The following SMIM12 variants were observed in gnomAD, a reference collection of about 807,000 sequenced individuals.
The protein encoded by SMIM12 is UPF0767 protein C1orf212.
Under a neutral mutation model 6.3 loss-of-function variants are expected in SMIM12, and 5 were observed. The ratio of observed to expected loss-of-function variants is 0.80; its 90% CI spans 0.42 to 1.68. The LOEUF is 1.68. Ranked by LOEUF, SMIM12 falls within the 40% of genes most tolerant of loss-of-function variation. SMIM12 has a pLI of 0.02. For synonymous variants in SMIM12, 51 were observed against 48.0 expected (o/e 1.06, Z -0.26); for missense variants, 103 against 121.4 (o/e 0.85, Z 0.71).
In SMIM12 at chr1:34,851,782, C is replaced by T. The variant is rs559805752; in HGVS notation, c.*3917G>A. 4.5e-4 allele frequency among the ~76,000 whole-genome samples: 69 copies of T among 152,328 alleles called. No homozygotes were observed. Among genetic ancestry groups the T allele is most frequent in the Middle Eastern group, 3.4e-3 (1 of 294 alleles). The stretch of plus-strand genomic sequence containing the variant: ...GAGGACCCTATACTAAAGCCACCAC[C>T]ATCATTGGGCTGGGAAGAGACGGGG... On this transcript the variant is annotated 3_prime_UTR_variant, in exon 2 of 2. Coordinates refer to ENST00000521580, the MANE Select transcript of SMIM12 (RefSeq NM_138428.6).
In SMIM12 at chr1:34,852,075, G is replaced by C. The variant is rs1336749038; in HGVS notation, c.*3624C>G. On this transcript the variant is annotated 3_prime_UTR_variant, in exon 2 of 2. Coordinates refer to ENST00000521580, the MANE Select transcript of SMIM12 (RefSeq NM_138428.6). Reference sequence around the variant, plus strand: ...CCACCGCAACGGCTGATTTCAGCCAGCCTGTGGGAAAGAAAGATCTAGCTG... The same window carrying C: ...CCACCGCAACGGCTGATTTCAGCCACCCTGTGGGAAAGAAAGATCTAGCTG... Among the ~76,000 whole-genome samples the C allele has an allele frequency of 6.6e-6, 1 of 152,224 alleles. No individual in the cohort carries two copies. Among genetic ancestry groups the C allele is most frequent in the Non-Finnish European group, 1.5e-5 (1 of 68,054 alleles).
In SMIM12 at chr1:34,854,963, G is replaced by T. The variant is rs1409681490; in HGVS notation, c.*736C>A. The T allele has an allele frequency of 1.1e-6, 1 of 951,418 alleles. No homozygotes were observed. Among genetic ancestry groups the T allele is most frequent in the Non-Finnish European group, 1.4e-6 (1 of 707,808 alleles). The allele number at this position is 951,418 out of a possible 1,614,324, so 58.9% of individuals were successfully genotyped here. ...CTCCTTGGCACCCTTTAATACCAAT[G>T]TTATCCTGCTCTAAAATGCCTGTAC... On this transcript the variant is annotated 3_prime_UTR_variant, in exon 2 of 2. Transcript: ENST00000521580.
At position 34,855,460 on chromosome 1, in the gene SMIM12, A is replaced by T; in HGVS notation, c.*239T>A. 1 of 1,590,336 alleles carries T rather than the reference A, an allele frequency of 6.3e-7. No homozygotes were observed. The highest frequency in any genetic ancestry group is 1.1e-5 in the South Asian group (1 of 90,036). On this transcript the variant is annotated 3_prime_UTR_variant, in exon 2 of 2. Transcript: ENST00000521580. ...CTCCCAGCAGTGCACCAGTAAACTC[A>T]GATGCCTGAGTGCTTGTGGCCACCA...
chr1:34,855,187 A>G lies in SMIM12; in HGVS notation c.*512T>C. 1 of 1,368,208 alleles carries G rather than the reference A, an allele frequency of 7.3e-7. No individual in the cohort carries two copies. Among genetic ancestry groups the G allele is most frequent in the Non-Finnish European group, 9.8e-7 (1 of 1,022,210 alleles). The allele number at this position is 1,368,208 out of a possible 1,614,324, so 84.8% of individuals were successfully genotyped here. On this transcript the variant is annotated 3_prime_UTR_variant, in exon 2 of 2. Coordinates refer to ENST00000521580, the MANE Select transcript of SMIM12 (RefSeq NM_138428.6). ...ACAGTCTGGGCTTCCCAGAACAGAAAAGTGCTTTCCTTCCTGGGGGAATCC... is the reference window on the plus strand; with the variant it reads ...ACAGTCTGGGCTTCCCAGAACAGAAGAGTGCTTTCCTTCCTGGGGGAATCC...
chr1:34,855,663 C>A lies in SMIM12; in HGVS notation c.*36G>T, dbSNP rs763230792. The A allele has an allele frequency of 1.2e-6, 2 of 1,613,682 alleles. No individual in the cohort carries two copies. Among genetic ancestry groups the A allele is most frequent in the South Asian group, 2.2e-5 (2 of 91,034 alleles). On this transcript the variant is annotated 3_prime_UTR_variant, in exon 2 of 2. Coordinates refer to ENST00000521580, the MANE Select transcript of SMIM12 (RefSeq NM_138428.6). ...TCAACATGGTAGCAGGACAAGTCACCACCCACAGTAGGACCATAGGGCCCT... is the reference window on the plus strand; with the variant it reads ...TCAACATGGTAGCAGGACAAGTCACAACCCACAGTAGGACCATAGGGCCCT...
chr1:34,855,327 C>T lies in SMIM12; in HGVS notation c.*372G>A, dbSNP rs1323342986. 2 of 1,404,512 alleles carry T rather than the reference C, an allele frequency of 1.4e-6. No homozygotes were observed. The highest frequency in any genetic ancestry group is 9.6e-7 in the Non-Finnish European group (1 of 1,046,504). The allele number at this position is 1,404,512 out of a possible 1,614,324, so 87.0% of individuals were successfully genotyped here. ...CTTTCCAGTGCAGACTGGAACTAGACATGCAGGTATCCCTCCTAAAGGCAA... is the reference window on the plus strand; with the variant it reads ...CTTTCCAGTGCAGACTGGAACTAGATATGCAGGTATCCCTCCTAAAGGCAA... On this transcript the variant is annotated 3_prime_UTR_variant, in exon 2 of 2. Transcript: ENST00000521580.
rs2148378057 is a variant in SMIM12, at chr1:34,854,274, C to G, written c.*1425G>C. The stretch of plus-strand genomic sequence containing the variant: ...AGTCAGCCAAGATCACGCCACTGCA[C>G]TCCAGCCCGGGTGACAGAATGAGAG... On this transcript the variant is annotated 3_prime_UTR_variant, in exon 2 of 2. Transcript: ENST00000521580. 1 of 152,372 alleles carries G rather than the reference C, an allele frequency of 6.6e-6. No homozygotes were observed. The allele number at this position is 152,372 out of a possible 1,614,324, so 9.4% of individuals were successfully genotyped here. A position where few individuals can be genotyped will look rare whatever the true frequency, so the allele number is the denominator to read the frequency against.
chr1:34,855,909 C>T lies in SMIM12; in HGVS notation c.69G>A (p.Val23=). 1 of 1,551,638 alleles carries T rather than the reference C, an allele frequency of 6.4e-7. No homozygotes were observed. Among genetic ancestry groups the T allele is most frequent in the Non-Finnish European group, 8.7e-7 (1 of 1,146,996 alleles). The change falls in exon 2 of 2, where the codon GTG becomes GTA. Residue 23 remains valine (V), a synonymous_variant. Coordinates refer to ENST00000521580, the MANE Select transcript of SMIM12 (RefSeq NM_138428.6). ...APYVTFPVAF[V]VGAVGYHLEW... ...CCAGGTGGTAACCCACAGCCCCGAC[C>T]ACGAAGGCAACAGGGAATGTGACAT...
intron 1 of SMIM12, among the ~76,000 whole-genome samples, chr1:34,856,359 C>G (rs545840774): frequency 6.6e-6 from 1 of 152,192 alleles, no homozygotes; most frequent in Non-Finnish European, 1.5e-5. Context: ...CACACCTGGC[C>G]AGCCTGGCAC....
chr1:34,851,574 C>CA lies in SMIM12; in HGVS notation c.*4124dup, dbSNP rs1640930652. On this transcript the variant is annotated 3_prime_UTR_variant, in exon 2 of 2. Coordinates refer to ENST00000521580, the MANE Select transcript of SMIM12 (RefSeq NM_138428.6). The stretch of plus-strand genomic sequence containing the variant: ...ATGATGTTTCACTCAGCGGCAGTCC[C>CA]ACCAGCCTGGAGCCCTGGGGAGCTG... 1.3e-5 allele frequency: 2 copies of CA among 152,258 alleles called. No individual in the cohort carries two copies. Among genetic ancestry groups the CA allele is most frequent in the South Asian group, 4.1e-4 (2 of 4,832 alleles). 9.4% of individuals were successfully genotyped at this position (152,258 alleles called of 1,614,324 possible). A position where few individuals can be genotyped will look rare whatever the true frequency, so the allele number is the denominator to read the frequency against.
rs772621518 is a variant in SMIM12, at chr1:34,855,354, G to A, written c.*345C>T. 59 of 1,433,914 alleles carry A rather than the reference G, an allele frequency of 4.1e-5. No individual in the cohort carries two copies. Among genetic ancestry groups the A allele is most frequent in the South Asian group, 3.8e-4 (34 of 88,688 alleles). 88.8% of individuals were successfully genotyped at this position (1,433,914 alleles called of 1,614,324 possible). A position where few individuals can be genotyped will look rare whatever the true frequency, so the allele number is the denominator to read the frequency against. ...TGCAGGTATCCCTCCTAAAGGCAAC[G>A]CCCAAATCCCAGCCATTCCCACTAG... On this transcript the variant is annotated 3_prime_UTR_variant, in exon 2 of 2. Transcript: ENST00000521580.
Position 34,852,463 on chromosome 1 carries a change from CAAAA to C in SMIM12, c.*3232_*3235del, listed in dbSNP as rs34535449. On this transcript the variant is annotated 3_prime_UTR_variant, in exon 2 of 2. Coordinates refer to ENST00000521580, the MANE Select transcript of SMIM12 (RefSeq NM_138428.6). ...TATTTGTAACAAGTTGTTAGATCGC[CAAAA>C]AAAAAAAAAAAAAAAAAACCATAAT... 6.6e-4 allele frequency among the ~76,000 whole-genome samples: 54 copies of C among 81,782 alleles called. No homozygotes were observed. The highest frequency in any genetic ancestry group is 2.9e-3 in the South Asian group (5 of 1,700). The allele number at this position is 81,782 out of a possible 152,430, so 53.7% of individuals were successfully genotyped here.
intron 1 of SMIM12, chr1:34,856,813 G>A (rs1467746449): frequency 6.6e-6 from 1 of 152,174 alleles, no homozygotes; most frequent in African/African-American, 2.4e-5. Flanking sequence ...TGGATTTTAG[G>A]TAAATAGATA....
rs558071884 is a variant in SMIM12, at chr1:34,852,083, G to A, written c.*3616C>T. 3.9e-5 allele frequency among the ~76,000 whole-genome samples: 6 copies of A among 152,338 alleles called. No homozygotes were observed. The East Asian group carries it at 9.7e-4, about 25-fold the overall frequency. ...ACGGCTGATTTCAGCCAGCCTGTGG[G>A]AAAGAAAGATCTAGCTGAGAACACT... On this transcript the variant is annotated 3_prime_UTR_variant, in exon 2 of 2. Transcript: ENST00000521580.
At position 34,855,187 on chromosome 1, in the gene SMIM12, A is replaced by C; in HGVS notation, c.*512T>G. On this transcript the variant is annotated 3_prime_UTR_variant, in exon 2 of 2. Coordinates refer to ENST00000521580, the MANE Select transcript of SMIM12 (RefSeq NM_138428.6). ...ACAGTCTGGGCTTCCCAGAACAGAA[A>C]AGTGCTTTCCTTCCTGGGGGAATCC... 3.7e-6 allele frequency: 5 copies of C among 1,368,208 alleles called. No homozygotes were observed. The highest frequency in any genetic ancestry group is 4.9e-6 in the Non-Finnish European group (5 of 1,022,210). The allele number at this position is 1,368,208 out of a possible 1,614,324, so 84.8% of individuals were successfully genotyped here.
rs1638559580 is a variant in SMIM12, at chr1:34,854,062, T to C, written c.*1637A>G. 6.6e-6 allele frequency: 1 copy of C among 151,756 alleles called. No individual in the cohort carries two copies. Among genetic ancestry groups the C allele is most frequent in the Non-Finnish European group, 1.5e-5 (1 of 68,008 alleles). The allele number at this position is 151,756 out of a possible 1,614,324, so 9.4% of individuals were successfully genotyped here. On this transcript the variant is annotated 3_prime_UTR_variant, in exon 2 of 2. Coordinates refer to ENST00000521580, the MANE Select transcript of SMIM12 (RefSeq NM_138428.6). ...GCCTCACACCTGTAATCCCAGCACTTTGGGAGGCCGAGGCAGATGGGATCG... is the reference window on the plus strand; with the variant it reads ...GCCTCACACCTGTAATCCCAGCACTCTGGGAGGCCGAGGCAGATGGGATCG...
chr1:34,852,456 A>G lies in SMIM12; in HGVS notation c.*3243T>C, dbSNP rs951747124. ...GATCTAATATTTGTAACAAGTTGTT[A>G]GATCGCCAAAAAAAAAAAAAAAAAA... On this transcript the variant is annotated 3_prime_UTR_variant, in exon 2 of 2. Transcript: ENST00000521580. Among the ~76,000 whole-genome samples, 6 of 118,252 alleles carry G rather than the reference A, an allele frequency of 5.1e-5. No homozygotes were observed. The highest frequency in any genetic ancestry group is 1.0e-4 in the African/African-American group (3 of 28,618). 77.6% of individuals were successfully genotyped at this position (118,252 alleles called of 152,430 possible).
rs1571607524 is a variant in SMIM12, at chr1:34,852,570, T to C, written c.*3129A>G. The C allele has an allele frequency of 6.6e-6, 1 of 150,674 alleles. No homozygotes were observed. The highest frequency in any genetic ancestry group is 2.4e-5 in the African/African-American group (1 of 40,906). The allele number at this position is 150,674 out of a possible 1,614,324, so 9.3% of individuals were successfully genotyped here. A position where few individuals can be genotyped will look rare whatever the true frequency, so the allele number is the denominator to read the frequency against. On this transcript the variant is annotated 3_prime_UTR_variant, in exon 2 of 2. Transcript: ENST00000521580. Reference sequence around the variant, plus strand: ...CACTGGGTCAAATTAACCCCACGGGTATGATAGCATGCTTAGAATTTTGTA... The same window carrying C: ...CACTGGGTCAAATTAACCCCACGGGCATGATAGCATGCTTAGAATTTTGTA...
rs774468427 is a variant in SMIM12 at position 34,855,987 on chromosome 1, G to A, written c.-5-5C>T. 41 of 1,537,582 alleles carry A rather than the reference G, an allele frequency of 2.7e-5. No individual in the cohort carries two copies. The Middle Eastern group carries it at 6.7e-4, about 25-fold the overall frequency. On this transcript the variant is annotated splice_polypyrimidine_tract_variant and splice_region_variant and intron_variant, in intron 1 of 1. Coordinates refer to ENST00000521580, the MANE Select transcript of SMIM12 (RefSeq NM_138428.6). ...AAAACACAGGCCACATGACATCTGC[G>A]GAAAAGCACAAGGCAGCATTAGAGA...
Sources: gnomAD v4.1 joint callset for allele counts (sites outside exome capture counted in the v4.1 genomes callset) on GRCh38, gnomAD v4.1.1 for gene constraint, MANE v1.5 for transcripts, NCBI Gene and HGNC (gene_info 2026-07-23, HGNC 2026-07-21) for gene names.